BCAT2: variants seen among roughly 807,000 people sequenced by gnomAD.
BCAT2 encodes the protein branched chain amino acid transaminase 2.
In BCAT2, 44 loss-of-function variants were observed where a neutral mutation model predicts 52.9. The ratio of observed to expected loss-of-function variants is 0.83; its 90% CI spans 0.65 to 1.07. The LOEUF is 1.07. BCAT2 is among the 50% of genes least tolerant of loss of function. BCAT2 has a pLI of 0.00. For missense variants in BCAT2, 478 were observed against 521.8 expected (o/e 0.92, Z 0.82); for synonymous variants, 215 against 217.1 (o/e 0.99, Z 0.08).
chr19:48,808,400 G>GA (rs201269842), intron 1 of BCAT2: 40,563 of 195,358 alleles, frequency 0.21, 2,488 homozygotes, highest in African/African-American at 0.25. Context: ...CGCACAAACA[G>GA]AAAAAAAAAA....
At chr19:48,802,997 C>T (rs2034689668) in intron 3 of BCAT2, among the ~76,000 whole-genome samples, 1 of 152,152 alleles carries the variant, frequency 6.6e-6, no homozygotes. Flanking sequence ...GAGTTCGAGA[C>T]CAGCCTGGGC....
chr19:48,806,105 T>C (rs1483997064), intron 3 of BCAT2, among the ~76,000 whole-genome samples: 4 of 71,006 alleles, frequency 5.6e-5, no homozygotes, highest in African/African-American at 2.4e-4. Context: ...TCATCCTGGC[T>C]GTCCCTCTCC....
In BCAT2 at chr19:48,807,123, G is replaced by T. The variant is rs1424425779; in HGVS notation, c.25-49C>A. 6.6e-7 allele frequency: 1 copy of T among 1,510,670 alleles called. No homozygotes were observed. The highest frequency in any genetic ancestry group is 9.1e-7 in the Non-Finnish European group (1 of 1,101,664). The allele number at this position is 1,510,670 out of a possible 1,614,324, so 93.6% of individuals were successfully genotyped here. A position where few individuals can be genotyped will look rare whatever the true frequency, so the allele number is the denominator to read the frequency against. On this transcript the variant is annotated intron_variant, in intron 1 of 10. Coordinates refer to ENST00000316273, the MANE Select transcript of BCAT2 (RefSeq NM_001190.4). This position sits in a 1 kb window ranked among gnomAD's most constrained non-coding sequence, Gnocchi z 4.6. Reference sequence around the variant, plus strand: ...AGGGGGTGAGTGGGGCACAGCAGGGGCCCTGGCAGCTCGCTCGCCACCTCC... The same window carrying T: ...AGGGGGTGAGTGGGGCACAGCAGGGTCCCTGGCAGCTCGCTCGCCACCTCC...
At chr19:48,810,939 TC>T (rs765860109) in intron 1 of BCAT2, 44 bp downstream of exon 1, 2 of 1,598,672 alleles carry the variant, frequency 1.3e-6, no homozygotes, top group East Asian at 2.3e-5. Context: ...GAAGTGCGCC[TC>T]CCCCGGTTAT....
At chr19:48,808,914 C>A (rs925047566) in intron 1 of BCAT2, among the ~76,000 whole-genome samples, 2 of 151,540 alleles carry the variant, frequency 1.3e-5, no homozygotes, top group Non-Finnish European at 2.9e-5. Context: ...TCTCTACAAA[C>A]AATTTAAAAA....
intron 3 of BCAT2, 57 bp from the exon 4 acceptor site, chr19:48,800,354 C>A: frequency 6.8e-7 from 1 of 1,472,990 alleles, no homozygotes; most frequent in South Asian, 1.2e-5. Context: ...TCATGAGAGA[C>A]ACCAAGACAG....
intron 2 of BCAT2, 123 bp downstream of exon 2, chr19:48,806,877 G>A: frequency 1.4e-6 from 2 of 1,401,696 alleles, no homozygotes; most frequent in Non-Finnish European, 2.0e-6. Flanking sequence ...GCGGCCCAAT[G>A]GCAGGCTGTT....
intron 1 of BCAT2, among the ~76,000 whole-genome samples, chr19:48,808,684 G>A (rs997790368): frequency 7.2e-5 from 11 of 152,134 alleles, no homozygotes; most frequent in Admixed American, 5.2e-4. Flanking sequence ...AAACCCAGGA[G>A]GCGGAGGTTG....
intron 1 of BCAT2, chr19:48,808,128 G>A (rs1260401853): frequency 4.1e-6 from 4 of 987,050 alleles, no homozygotes; most frequent in African/African-American, 1.7e-5. Flanking sequence ...GGCCTGCAGC[G>A]TGGTCTTGCT....
At chr19:48,801,682 G>A (rs903639564) in intron 3 of BCAT2, among the ~76,000 whole-genome samples, 2 of 151,910 alleles carry the variant, frequency 1.3e-5, no homozygotes, top group Admixed American at 1.3e-4. Context: ...TCACTCTGTT[G>A]CCCAGGCTGA....
rs2034619454 is a variant in BCAT2 at position 48,799,991 on chromosome 19, A to G, written c.521T>C (p.Ile174Thr). 6 of 1,613,566 alleles carry G rather than the reference A, an allele frequency of 3.7e-6. No individual in the cohort carries two copies. In the South Asian group the frequency reaches 4.4e-5, roughly 12 times the overall value. ...TGGAGTTGGGCCCACCTCGTTCCCA[A>G]TGAGCACAGGCCGCACATAGAGGCT... ...GTSLYVRPVLIGNEPSLGVSQ... is the reference protein window; with the variant it reads ...GTSLYVRPVLTGNEPSLGVSQ... Residue 174 changes from isoleucine (I) to threonine (T), a missense_variant, in exon 5 of 11, where the codon ATT becomes ACT. Physicochemically the swap from Ile to Thr is moderately conservative, Grantham distance 89. Transcript: ENST00000316273. This position sits in a 1 kb window ranked among gnomAD's most constrained non-coding sequence, Gnocchi z 5.5.
intron 7 of BCAT2, 81 bp downstream of exon 7, chr19:48,797,110 T>A: frequency 6.2e-7 from 1 of 1,606,236 alleles, no homozygotes; most frequent in Non-Finnish European, 8.5e-7. Flanking sequence ...CATCCCAGAA[T>A]CCCTGGGGCC....
intron 10 of BCAT2, 88 bp from the exon 11 acceptor site, chr19:48,795,552 G>A: frequency 6.8e-7 from 1 of 1,481,424 alleles, no homozygotes; most frequent in Non-Finnish European, 9.3e-7. Context: ...AGTGCCTACG[G>A]AGCTGTGCCC....
Position 48,795,362 on chromosome 19 carries a change from G to A in BCAT2, c.*64C>T. 6.2e-7 allele frequency: 1 copy of A among 1,604,652 alleles called. No homozygotes were observed. The highest frequency in any genetic ancestry group is 8.5e-7 in the Non-Finnish European group (1 of 1,172,708). On this transcript the variant is annotated 3_prime_UTR_variant, in exon 11 of 11. Transcript: ENST00000316273. Reference sequence around the variant, plus strand: ...TTGCACTTCAGGTGAGTCATTGGTAGGGAGGCGAGTGCTGGCGTGACGAGA... The same window carrying A: ...TTGCACTTCAGGTGAGTCATTGGTAAGGAGGCGAGTGCTGGCGTGACGAGA...
At chr19:48,795,611 G>C in intron 10 of BCAT2, 147 bp from the exon 11 acceptor site, 1 of 882,368 alleles carries the variant, frequency 1.1e-6, no homozygotes, top group African/African-American at 1.7e-5. Flanking sequence ...CCCCAACAAT[G>C]ATGGGAACGG....
chr19:48,795,534 C>A, intron 10 of BCAT2, 70 bp from the exon 11 acceptor site: 1 of 1,572,390 alleles, frequency 6.4e-7, no homozygotes, highest in South Asian at 1.1e-5. Context: ...CTGGGGTGTT[C>A]CAGGCCGAGT....
chr19:48,797,106 A>AG, intron 7 of BCAT2, 84 bp from the exon 8 acceptor site: 1 of 1,607,082 alleles, frequency 6.2e-7, no homozygotes, highest in South Asian at 1.1e-5. Context: ...CCCCCATCCC[A>AG]GAATCCCTGG....
intron 1 of BCAT2, among the ~76,000 whole-genome samples, chr19:48,809,597 A>G (rs2034874783): frequency 6.6e-6 from 1 of 151,882 alleles, no homozygotes; most frequent in Non-Finnish European, 1.5e-5. Context: ...TCCACATCAC[A>G]AGTCCAGATT....
intron 1 of BCAT2, among the ~76,000 whole-genome samples, chr19:48,808,686 C>T (rs1189784793): frequency 2.0e-5 from 3 of 151,900 alleles, no homozygotes; most frequent in Non-Finnish European, 4.4e-5. Context: ...ACCCAGGAGG[C>T]GGAGGTTGCA....
Sources: allele counts gnomAD v4.1 joint callset (sites outside exome capture counted in the v4.1 genomes callset), GRCh38; gene constraint gnomAD v4.1.1; non-coding constraint Gnocchi (gnomAD v3.1); transcripts MANE v1.5; gene names NCBI Gene and HGNC (gene_info 2026-07-23, HGNC 2026-07-21).